The following PCDH11X variants were observed in gnomAD, a reference collection of about 807,000 sequenced individuals.
PCDH11X encodes the protein protocadherin 11 X-linked.
In PCDH11X, 18 loss-of-function variants were observed where a neutral mutation model predicts 53.3. The observed-to-expected ratio is 0.34, with a 90% CI of 0.23 to 0.50. The LOEUF (loss-of-function observed/expected upper bound fraction) is 0.50, where lower values mean the gene tolerates loss of function less well. Among genes scored for constraint, PCDH11X ranks in the 20% least tolerant of loss-of-function variants. The pLI, the probability that PCDH11X is intolerant of heterozygous loss-of-function variation, is 0.98. For missense variants in PCDH11X, 570 were observed against 1,032.4 expected (o/e 0.55, Z 6.14); for synonymous variants, 279 against 393.3 (o/e 0.71, Z 3.44).
chrX:92,002,713 T>C (rs2062531322), intron 6 of PCDH11X, among the ~76,000 whole-genome samples: 1 of 105,982 alleles, frequency 9.4e-6, no homozygotes, highest in Admixed American at 1.0e-4. Context: ...GTATATAGAA[T>C]TGCTACTAAT....
At chrX:91,831,107 C>A (rs1937090510) in intron 4 of PCDH11X, among the ~76,000 whole-genome samples, 1 of 111,479 alleles carries the variant, frequency 9.0e-6, no homozygotes, top group African/African-American at 3.3e-5. Context: ...AATGAACTTC[C>A]ATTTTTGCTT....
At chrX:92,108,132 A>G (rs1224304837) in intron 6 of PCDH11X, among the ~76,000 whole-genome samples, 1 of 112,117 alleles carries the variant, frequency 8.9e-6, no homozygotes. Context: ...CTGAAAACAT[A>G]CCTGGTTCAA....
At chrX:91,937,021 TG>T (rs2061452803) in intron 6 of PCDH11X, among the ~76,000 whole-genome samples, 1 of 110,165 alleles carries the variant, frequency 9.1e-6, no homozygotes, top group Admixed American at 9.8e-5. Flanking sequence ...GATTCTGGAT[TG>T]ATATGCTAGA....
chrX:92,278,202 A>G (rs2068153697), intron 8 of PCDH11X, among the ~76,000 whole-genome samples: 1 of 111,641 alleles, frequency 9.0e-6, no homozygotes, highest in Non-Finnish European at 1.9e-5. Flanking sequence ...AGAAGAGAGT[A>G]AAAAGAGGCC....
chrX:91,814,797 A>G (rs1411402336), intron 4 of PCDH11X, among the ~76,000 whole-genome samples: 1 of 93,174 alleles, frequency 1.1e-5, no homozygotes, highest in Non-Finnish European at 2.1e-5. Context: ...GAATGACTAA[A>G]TGACTTGTCC....
intron 6 of PCDH11X, among the ~76,000 whole-genome samples, chrX:92,178,646 G>T (rs1227348879): frequency 1.8e-5 from 2 of 111,343 alleles, no homozygotes; most frequent in African/African-American, 6.5e-5. Flanking sequence ...ATGATTTAAA[G>T]CTTATTGAAT....
intron 10 of PCDH11X, among the ~76,000 whole-genome samples, chrX:92,506,074 G>C (rs1217141815): frequency 5.4e-5 from 6 of 110,308 alleles, no homozygotes; most frequent in Non-Finnish European, 1.1e-4. Context: ...AGAGACTATG[G>C]GGCTTTCTAG....
At chrX:92,028,880 A>G (rs2148011204) in intron 6 of PCDH11X, among the ~76,000 whole-genome samples, 1 of 111,580 alleles carries the variant, frequency 9.0e-6, no homozygotes, top group African/African-American at 3.3e-5. Flanking sequence ...CAGCAAAGAC[A>G]AGCTATCTTT....
intron 10 of PCDH11X, among the ~76,000 whole-genome samples, chrX:92,529,811 G>C (rs2074522811): frequency 9.1e-6 from 1 of 109,313 alleles, no homozygotes; most frequent in African/African-American, 3.3e-5. Context: ...CAGAAAACTG[G>C]AATTATCTAT....
At chrX:92,313,913 G>T (rs144329552) in intron 8 of PCDH11X, among the ~76,000 whole-genome samples, 42 of 111,513 alleles carry the variant, frequency 3.8e-4, no homozygotes, top group African/African-American at 1.3e-3. Flanking sequence ...TGCAGGCCTG[G>T]AAGTTGCTCT....
At chrX:92,436,331 C>T (rs1208287611) in intron 9 of PCDH11X, among the ~76,000 whole-genome samples, 1 of 110,643 alleles carries the variant, frequency 9.0e-6, no homozygotes, top group Non-Finnish European at 1.9e-5. Context: ...ATAACAGATG[C>T]TGGTGAGGTT....
chrX:92,009,667 C>G (rs1470316748), intron 6 of PCDH11X, among the ~76,000 whole-genome samples: 1 of 106,565 alleles, frequency 9.4e-6, no homozygotes, highest in Non-Finnish European at 1.9e-5. Flanking sequence ...GCTATGAAAC[C>G]CAGGCCCCTT....
intron 8 of PCDH11X, among the ~76,000 whole-genome samples, chrX:92,317,341 C>T (rs2069102392): frequency 9.0e-6 from 1 of 110,671 alleles, no homozygotes; most frequent in African/African-American, 3.3e-5. Flanking sequence ...CTACCAGTTT[C>T]TTTAAGGAGT....
At chrX:91,895,926 TTATG>T (rs1240322928) in intron 6 of PCDH11X, among the ~76,000 whole-genome samples, 3 of 102,587 alleles carry the variant, frequency 2.9e-5, no homozygotes, top group African/African-American at 1.0e-4. Context: ...TACACGTATA[TTATG>T]TATATGTATA....
At chrX:92,364,964 G>T (rs1603289568) in intron 8 of PCDH11X, among the ~76,000 whole-genome samples, 1 of 84,827 alleles carries the variant, frequency 1.2e-5, no homozygotes, top group Non-Finnish European at 2.4e-5. Context: ...CTTATGCTTT[G>T]GGCTTTTTCT....
chrX:92,230,490 TAC>T (rs1279540324), intron 7 of PCDH11X, among the ~76,000 whole-genome samples: 1 of 91,566 alleles, frequency 1.1e-5, no homozygotes, highest in East Asian at 3.2e-4. Flanking sequence ...ATATATAAAA[TAC>T]ATATATAATA....
chrX:91,835,734 T>C lies in PCDH11X; in HGVS notation c.230T>C (p.Ile77Thr). Residue 77 changes from isoleucine (I) to threonine (T), a missense_variant, in exon 5 of 11, where the codon ATT (isoleucine) becomes ACT (threonine). Coordinates refer to ENST00000682573, the MANE Select transcript of PCDH11X (RefSeq NM_032968.5). ...ACCGGAGATGTGCCACTGATTCGAA[T>C]TGAAGAGGATACTGGTGAGATCTTC... ...YKTGDVPLIR[I>T]EEDTGEIFTT... 8.3e-7 allele frequency: 1 copy of C among 1,211,132 alleles called. No homozygotes were observed. The highest frequency in any genetic ancestry group is 1.1e-6 in the Non-Finnish European group (1 of 895,251).
At chrX:92,119,095 A>T (rs1602976640) in intron 6 of PCDH11X, among the ~76,000 whole-genome samples, 1 of 108,718 alleles carries the variant, frequency 9.2e-6, no homozygotes, top group East Asian at 2.9e-4. Context: ...TTTTAATTTT[A>T]ATTTTTTAAT....
Position 92,616,474 on chromosome X carries a change from A to C in PCDH11X, c.3368-1790A>C, listed in dbSNP as rs773162876. On this transcript the variant is annotated intron_variant, in intron 10 of 10. Transcript: ENST00000682573. ...TATAACCTATAATCATTCTGTTGGC[A>C]CTTGTTGAAAAGTCTATACTTTCAC... Among the ~76,000 whole-genome samples the C allele has an allele frequency of 1.1e-4, 12 of 107,410 alleles. No individual in the cohort carries two copies. The East Asian group carries it at 3.5e-3, about 32-fold the overall frequency. The allele number at this position is 107,410 out of a possible 115,157, so 93.3% of individuals were successfully genotyped here. A position where few individuals can be genotyped will look rare whatever the true frequency, so the allele number is the denominator to read the frequency against.
Sources: gnomAD v4.1 joint callset for allele counts (sites outside exome capture counted in the v4.1 genomes callset) on GRCh38, gnomAD v4.1.1 for gene constraint, MANE v1.5 for transcripts, NCBI Gene and HGNC (gene_info 2026-07-23, HGNC 2026-07-21) for gene names.